RFWD3: variants seen among roughly 807,000 people sequenced by gnomAD.
RFWD3 encodes the protein ring finger and WD repeat domain 3, also known as E3 ubiquitin-protein ligase RFWD3.
RFWD3 carries 65 observed loss-of-function variants against 87.7 expected under a neutral mutation model. That is an observed-to-expected ratio of 0.74 (90% CI 0.61 to 0.91). RFWD3 has a LOEUF of 0.91. Ranked by LOEUF, RFWD3 falls within the 40% of genes least tolerant of loss-of-function variation. The pLI is 0.00. For missense variants in RFWD3, 1,078 were observed against 938.5 expected, an observed-to-expected ratio of 1.15 and a Z score of -1.94; for synonymous variants, 433 against 352.8, an observed-to-expected ratio of 1.23 and a Z score of -2.55.
chr16:74,623,766 G>A lies in RFWD3; in HGVS notation c.*162C>T, dbSNP rs571568630. Reference sequence around the variant, plus strand: ...GGACATAACAGATACACAATCTGTAGTGTCTCAGTGACCTAGGGTCCTAGA... The same window carrying A: ...GGACATAACAGATACACAATCTGTAATGTCTCAGTGACCTAGGGTCCTAGA... On this transcript the variant is annotated 3_prime_UTR_variant, in exon 13 of 13. Coordinates refer to ENST00000361070, the MANE Select transcript of RFWD3 (RefSeq NM_018124.4). The A allele has an allele frequency of 1.7e-5, 11 of 647,874 alleles. No homozygotes were observed. In the East Asian group the frequency reaches 2.8e-4, roughly 16 times the overall value. 40.1% of individuals were successfully genotyped at this position (647,874 alleles called of 1,614,324 possible). A position where few individuals can be genotyped will look rare whatever the true frequency, so the allele number is the denominator to read the frequency against.
chr16:74,652,366 A>G (rs1960637261), intron 2 of RFWD3, among the ~76,000 whole-genome samples: 1 of 151,988 alleles, frequency 6.6e-6, no homozygotes, highest in African/African-American at 2.4e-5. Flanking sequence ...TTAAAAGCTA[A>G]TTCTATTTTA....
intron 8 of RFWD3, among the ~76,000 whole-genome samples, chr16:74,635,827 T>C (rs1371475547): frequency 1.3e-5 from 2 of 152,144 alleles, no homozygotes; most frequent in African/African-American, 2.4e-5. Context: ...AAAGACTTGG[T>C]TTTCAACATT....
chr16:74,637,760 C>A, intron 7 of RFWD3, 96 bp downstream of exon 7: 1 of 880,972 alleles, frequency 1.1e-6, no homozygotes, highest in Non-Finnish European at 1.8e-6. Flanking sequence ...AACAACTTGG[C>A]AAATCCTATT....
rs1451491920 is a variant in RFWD3, at chr16:74,622,200, A to G, written c.*1728T>C. The G allele has an allele frequency of 2.0e-5, 3 of 152,162 alleles. No homozygotes were observed. The highest frequency in any genetic ancestry group is 7.2e-5 in the African/African-American group (3 of 41,446). 9.4% of individuals were successfully genotyped at this position (152,162 alleles called of 1,614,324 possible). A position where few individuals can be genotyped will look rare whatever the true frequency, so the allele number is the denominator to read the frequency against. The stretch of plus-strand genomic sequence containing the variant: ...TGAAGCCAGATGAGTTCTGCTTTTT[A>G]ATTCCAATCCTATTCTGCCACTGAA... On this transcript the variant is annotated 3_prime_UTR_variant, in exon 13 of 13. Transcript: ENST00000361070.
At chr16:74,648,774 C>A (rs1241324587) in intron 4 of RFWD3, among the ~76,000 whole-genome samples, 6 of 145,178 alleles carry the variant, frequency 4.1e-5, no homozygotes, top group Non-Finnish European at 6.0e-5. Flanking sequence ...GACTCCGTCT[C>A]AAAAAAAAAG....
Position 74,624,026 on chromosome 16 carries a change from C to G in RFWD3, c.2227G>C (p.Asp743His), listed in dbSNP as rs775043994. ...GGGCAGATGTCCAACACAGGCTGATCGGTCTGTAGGTCCTGGAGCAACGAG... is the reference window on the plus strand; with the variant it reads ...GGGCAGATGTCCAACACAGGCTGATGGGTCTGTAGGTCCTGGAGCAACGAG... The part of the protein sequence containing the change: ...SGSLLQDLQT[D>H]QPVLDICPFE... The change falls in exon 13 of 13, where the codon GAT becomes CAT. Residue 743 changes from aspartate (D) to histidine (H), a missense_variant. Transcript: ENST00000361070. The G allele has an allele frequency of 6.2e-7, 1 of 1,614,028 alleles. No homozygotes were observed. The highest frequency in any genetic ancestry group is 2.2e-5 in the East Asian group (1 of 44,864).
intron 3 of RFWD3, 59 bp downstream of exon 3, chr16:74,651,861 C>T (rs747395160): frequency 5.4e-5 from 81 of 1,495,006 alleles, no homozygotes; most frequent in Non-Finnish European, 6.6e-5. Flanking sequence ...TCTAGCCTTC[C>T]GAAATTTAAG....
rs914947319 is a variant in RFWD3, at chr16:74,645,994, C to T, written c.793-1259G>A. On this transcript the variant is annotated intron_variant, in intron 4 of 12. Coordinates refer to ENST00000361070, the MANE Select transcript of RFWD3 (RefSeq NM_018124.4). ...CGATCTCCTGACCTCGCGATCCGTC[C>T]GCCTTGGCCTCCCAAAGTGCAGGGA... is the stretch of plus-strand genomic sequence containing the variant. Among the ~76,000 whole-genome samples the T allele has an allele frequency of 4.6e-5, 7 of 152,036 alleles. No individual in the cohort carries two copies. The East Asian group carries it at 9.7e-4, about 21-fold the overall frequency.
intron 2 of RFWD3, among the ~76,000 whole-genome samples, chr16:74,655,045 C>T (rs1204617797): frequency 6.6e-6 from 1 of 152,202 alleles, no homozygotes; most frequent in Non-Finnish European, 1.5e-5. Context: ...CCAAGTTATC[C>T]AGAATATCTA....
chr16:74,645,248 A>T (rs559639432), intron 4 of RFWD3, among the ~76,000 whole-genome samples: 58 of 152,234 alleles, frequency 3.8e-4, no homozygotes, highest in African/African-American at 1.4e-3. Flanking sequence ...CCTTAAATGT[A>T]AAGTGGCACA....
rs1958938959 is a variant in RFWD3 at position 74,626,519 on chromosome 16, C to T, written c.2005G>A (p.Glu669Lys). Reference sequence around the variant, plus strand: ...GTGTCATCCAGTCGGTAGGACATTTCCATCAGCACACTTCGTATGGTGGTG... The same window carrying T: ...GTGTCATCCAGTCGGTAGGACATTTTCATCAGCACACTTCGTATGGTGGTG... ...NHTTIRSVLM[E>K]MSYRLDDTGN... Residue 669 changes from glutamate (E) to lysine (K), a missense_variant, in exon 12 of 13, where the codon GAA becomes AAA. Glu to Lys is a moderately conservative substitution (Grantham distance 56, BLOSUM62 1). Transcript: ENST00000361070. 2.5e-6 allele frequency: 4 copies of T among 1,614,106 alleles called. No individual in the cohort carries two copies. Among genetic ancestry groups the T allele is most frequent in the East Asian group, 2.2e-5 (1 of 44,876 alleles).
intron 1 of RFWD3, among the ~76,000 whole-genome samples, chr16:74,663,339 A>G (rs1354325090): frequency 1.3e-5 from 2 of 152,208 alleles, no homozygotes; most frequent in African/African-American, 4.8e-5. Flanking sequence ...GTTAAGGAAG[A>G]TTATAAAGTA....
rs756732813 is a variant in RFWD3 at position 74,637,868 on chromosome 16, T to C, written c.1182A>G (p.Gln394=). The part of the protein sequence containing the change: ...QVLTDKCTRL[Q]RRVQDLQKLT... ...AGGACAAACGTACCTGAACACGCCT[T>C]TGAAGCCTAGTGCACTTATCAGTGA... The change falls in exon 7 of 13, where the codon CAA becomes CAG. Residue 394 remains glutamine (Q), a synonymous_variant. Coordinates refer to ENST00000361070, the MANE Select transcript of RFWD3 (RefSeq NM_018124.4). 1.2e-6 allele frequency: 2 copies of C among 1,612,318 alleles called. No individual in the cohort carries two copies. Among genetic ancestry groups the C allele is most frequent in the Non-Finnish European group, 1.7e-6 (2 of 1,179,284 alleles).
rs1231743372 is a variant in RFWD3, at chr16:74,660,936, C to T, written c.514G>A (p.Ala172Thr). 11 of 1,610,810 alleles carry T rather than the reference C, an allele frequency of 6.8e-6. No individual in the cohort carries two copies. In the Middle Eastern group the frequency reaches 6.6e-4, roughly 96 times the overall value. The change falls in exon 2 of 13, where the codon GCC (alanine) becomes ACC (threonine). Residue 172 changes from alanine to threonine, a missense_variant. Physicochemically the swap from Ala to Thr is moderately conservative, Grantham distance 58. Transcript: ENST00000361070. The stretch of plus-strand genomic sequence containing the variant: ...CTTATCCATATATTTATTTACCTGG[C>T]ACTGTCTGTCCTCTGAGACCCTCCG... Reference protein sequence around the residue: ...RAGGSQRTDSARLRAPLDAYF... With the variant: ...RAGGSQRTDSTRLRAPLDAYF...
intron 6 of RFWD3, among the ~76,000 whole-genome samples, chr16:74,640,228 C>T (rs1346760813): frequency 2.0e-5 from 3 of 151,576 alleles, no homozygotes; most frequent in Admixed American, 6.6e-5. Context: ...CTGCAACCTC[C>T]GCCTCCTCCC....
rs1205970095 is a variant in RFWD3, at chr16:74,661,244, A to AGG, written c.204_205dup (p.Leu69ProfsTer13). The AGG allele has an allele frequency of 1.9e-6, 3 of 1,614,194 alleles. No homozygotes were observed. Among genetic ancestry groups the AGG allele is most frequent in the Non-Finnish European group, 2.5e-6 (3 of 1,180,028 alleles). ...AGACAGTTGCGGAGCAGGCTGGAGC[A>AGG]GGGGTGGTGTCGCTTGGCTGCTGAT... On this transcript the variant is annotated frameshift_variant, in exon 2 of 13. Transcript: ENST00000361070. LOFTEE classifies it high-confidence loss of function.
chr16:74,626,198 A>C (rs1346555648), intron 12 of RFWD3, 145 bp downstream of exon 12: 1 of 693,726 alleles, frequency 1.4e-6, no homozygotes, highest in African/African-American at 1.8e-5. Flanking sequence ...TCTCACATAC[A>C]CACATATGCG....
At chr16:74,663,406 T>C (rs560827078) in intron 1 of RFWD3, among the ~76,000 whole-genome samples, 6 of 152,156 alleles carry the variant, frequency 3.9e-5, no homozygotes, top group East Asian at 3.9e-4. Flanking sequence ...GAAGGAACAA[T>C]TGAGTGTCAA....
At position 74,626,542 on chromosome 16, in the gene RFWD3, G is replaced by A; in HGVS notation, c.1982C>T (p.Thr661Ile). 1 of 1,613,906 alleles carries A rather than the reference G, an allele frequency of 6.2e-7. No homozygotes were observed. The change falls in exon 12 of 13, where the codon ACC becomes ATC. Residue 661 changes from threonine (T) to isoleucine (I), a missense_variant. By Grantham distance (89) the Thr-to-Ile change is moderately conservative (BLOSUM62 -1). Coordinates refer to ENST00000361070, the MANE Select transcript of RFWD3 (RefSeq NM_018124.4). ...TTCCATCAGCACACTTCGTATGGTG[G>A]TGTGATTTTTATCTATGGGACAGAG... ...LVTYRPDKNH[T>I]TIRSVLMEMS...
Sources: gnomAD v4.1 joint callset for allele counts (sites outside exome capture counted in the v4.1 genomes callset) on GRCh38, gnomAD v4.1.1 for gene constraint, MANE v1.5 for transcripts, NCBI Gene and HGNC (gene_info 2026-07-23, HGNC 2026-07-21) for gene names.